Variants in AK9 observed in about 807,000 individuals in gnomAD.
AK9 encodes the protein adenylate kinase 9, also known as adenylate kinase domain containing 1.
Under a neutral mutation model 239.6 loss-of-function variants are expected in AK9, and 191 were observed. That is an observed-to-expected ratio of 0.80 (90% CI 0.71 to 0.90). The LOEUF (loss-of-function observed/expected upper bound fraction) is 0.90, where lower values mean the gene tolerates loss of function less well. AK9 is among the 40% of genes least tolerant of loss of function. AK9 has a pLI of 0.00. For synonymous variants in AK9, 689 were observed against 721.0 expected (o/e 0.96, Z 0.71); for missense variants, 1,995 against 2,214.7 (o/e 0.90, Z 1.99).
intron 27 of AK9, among the ~76,000 whole-genome samples, chr6:109,533,911 G>A (rs1440872528): frequency 6.6e-6 from 1 of 152,086 alleles, no homozygotes; most frequent in Non-Finnish European, 1.5e-5. Context: ...TTTGGGAGCG[G>A]TGCCCAGCCT....
intron 26 of AK9, among the ~76,000 whole-genome samples, chr6:109,542,986 T>C (rs980289989): frequency 3.9e-5 from 6 of 152,178 alleles, no homozygotes; most frequent in Non-Finnish European, 7.3e-5. Flanking sequence ...GCTTAACTGA[T>C]TTTTGTTATT....
intron 25 of AK9, among the ~76,000 whole-genome samples, chr6:109,546,692 A>G (rs1198684681): frequency 3.3e-5 from 5 of 152,198 alleles, no homozygotes; most frequent in African/African-American, 1.2e-4. Context: ...TTCTTGATAT[A>G]TCCGAGTAGG....
chr6:109,689,110 T>C (rs1773934055), intron 1 of AK9, among the ~76,000 whole-genome samples: 1 of 152,154 alleles, frequency 6.6e-6, no homozygotes, highest in African/African-American at 2.4e-5. Flanking sequence ...AAATCTAGAA[T>C]GATGTTAGAG....
chr6:109,497,402 C>G, intron 38 of AK9, 63 bp downstream of exon 38: 1 of 1,019,934 alleles, frequency 9.8e-7, no homozygotes, highest in Non-Finnish European at 1.5e-6. Context: ...TCCTCTCCCC[C>G]GTTCCCAGCA....
chr6:109,509,956 C>T lies in AK9; in HGVS notation c.4280-576G>A, dbSNP rs140020429. On this transcript the variant is annotated intron_variant, in intron 32 of 40. Transcript: ENST00000424296. ...CTGCAGGCTCAGGGGTGTCTGCTCC[C>T]GCTGCCTGGCCTCTCTCTGCTCCTG... is the stretch of plus-strand genomic sequence containing the variant. Among the ~76,000 whole-genome samples, 748 of 152,254 alleles carry T rather than the reference C, an allele frequency of 4.9e-3. 4 individuals are homozygous for T. Among genetic ancestry groups the T allele is most frequent in the Non-Finnish European group, 8.3e-3 (561 of 67,990 alleles).
At chr6:109,496,014 C>T (rs1191758699) in intron 38 of AK9, among the ~76,000 whole-genome samples, 3 of 152,074 alleles carry the variant, frequency 2.0e-5, no homozygotes, top group Non-Finnish European at 2.9e-5. Context: ...CATTTTTACT[C>T]CTTAAATCCT....
At chr6:109,507,309 G>A (rs968707814) in intron 33 of AK9, among the ~76,000 whole-genome samples, 3 of 151,662 alleles carry the variant, frequency 2.0e-5, no homozygotes, top group Non-Finnish European at 4.4e-5. Flanking sequence ...AGATGCTCAA[G>A]AAGTAGTATT....
At position 109,604,518 on chromosome 6, in the gene AK9, T is replaced by C. The variant is rs574752078; in HGVS notation, c.1842+5847A>G. 7.4e-4 allele frequency among the ~76,000 whole-genome samples: 113 copies of C among 152,330 alleles called. 1 individual carries two copies. The highest frequency in any genetic ancestry group is 2.6e-3 in the African/African-American group (108 of 41,592). ...GGATTGTGATGTAACCTTTGGCATA[T>C]ACTAAATTTTTATCCATACTGAAGT... is the stretch of plus-strand genomic sequence containing the variant. On this transcript the variant is annotated intron_variant, in intron 17 of 40. Transcript: ENST00000424296.
intron 24 of AK9, among the ~76,000 whole-genome samples, chr6:109,557,456 G>A (rs1785146890): frequency 6.6e-6 from 1 of 152,086 alleles, no homozygotes; most frequent in Admixed American, 6.6e-5. Context: ...CCTGTTAGAG[G>A]GTCTCACCCA....
intron 15 of AK9, among the ~76,000 whole-genome samples, chr6:109,613,870 T>G (rs1458135838): frequency 1.3e-5 from 2 of 152,064 alleles, no homozygotes; most frequent in African/African-American, 4.8e-5. Context: ...CTGATTCCAA[T>G]ACGTTAAAGT....
At chr6:109,545,547 C>T (rs766443815) in intron 26 of AK9, among the ~76,000 whole-genome samples, 6 of 152,160 alleles carry the variant, frequency 3.9e-5, no homozygotes, top group African/African-American at 1.2e-4. Flanking sequence ...CTGCCATCCA[C>T]GTAAGATGTG....
At chr6:109,632,793 A>C (rs762129652) in intron 12 of AK9, 130 bp downstream of exon 12, 5 of 1,371,164 alleles carry the variant, frequency 3.6e-6, no homozygotes, top group Non-Finnish European at 4.7e-6. Context: ...TTAAAACATG[A>C]AATTTTAAAA....
At chr6:109,661,033 C>T (rs1412043717) in intron 6 of AK9, 1 of 451,194 alleles carries the variant, frequency 2.2e-6, no homozygotes, top group African/African-American at 2.0e-5. Context: ...TCAAGAGGTT[C>T]ATGAATGCTT....
intron 26 of AK9, among the ~76,000 whole-genome samples, chr6:109,542,484 A>G (rs937080435): frequency 1.3e-5 from 2 of 152,218 alleles, no homozygotes; most frequent in African/African-American, 4.8e-5. Flanking sequence ...TGCTCCCAAC[A>G]CATAGCAATG....
intron 17 of AK9, among the ~76,000 whole-genome samples, chr6:109,588,279 C>A (rs1789777897): frequency 6.6e-6 from 1 of 152,088 alleles, no homozygotes; most frequent in African/African-American, 2.4e-5. Flanking sequence ...CCGTGTTAGC[C>A]AGGATGGTCT....
In AK9 at chr6:109,534,627, G is replaced by C. The variant is rs540992638; in HGVS notation, c.3351-1157C>G. 6.6e-5 allele frequency among the ~76,000 whole-genome samples: 10 copies of C among 151,768 alleles called. No individual in the cohort carries two copies. In the South Asian group the frequency reaches 1.9e-3, roughly 28 times the overall value. On this transcript the variant is annotated intron_variant, in intron 27 of 40. Transcript: ENST00000424296. ...ATATTTTTATTTAATTATACTTTAA[G>C]TTCTAGGGTACATGTGCACAACGTG...
intron 17 of AK9, among the ~76,000 whole-genome samples, chr6:109,592,373 A>G (rs1236275543): frequency 2.0e-5 from 3 of 152,196 alleles, no homozygotes; most frequent in Admixed American, 6.5e-5. Flanking sequence ...AAAGAAGACC[A>G]AAAATAGGAC....
At chr6:109,508,396 T>G (rs565064324) in intron 33 of AK9, among the ~76,000 whole-genome samples, 1 of 152,130 alleles carries the variant, frequency 6.6e-6, no homozygotes, top group Non-Finnish European at 1.5e-5. Context: ...GAGGTCCTTC[T>G]TATGCAAAGC....
At chr6:109,586,277 G>A (rs1056882041) in intron 17 of AK9, among the ~76,000 whole-genome samples, 19 of 152,110 alleles carry the variant, frequency 1.2e-4, no homozygotes, top group African/African-American at 2.4e-4. Context: ...GAGGCTGGGC[G>A]AAGTGGTGCA....
Sources: gnomAD v4.1 joint callset for allele counts (sites outside exome capture counted in the v4.1 genomes callset) on GRCh38, gnomAD v4.1.1 for gene constraint, MANE v1.5 for transcripts, NCBI Gene and HGNC (gene_info 2026-07-23, HGNC 2026-07-21) for gene names.